The following FRMD3 variants were observed in gnomAD, a reference collection of about 807,000 sequenced individuals.
FRMD3 encodes FERM domain-containing protein 3.
Under a neutral mutation model 70.2 loss-of-function variants are expected in FRMD3, and 33 were observed. The observed-to-expected ratio is 0.47, with a 90% confidence interval of 0.36 to 0.63. The LOEUF is 0.63. FRMD3 is among the 20% of genes least tolerant of loss of function. The probability of loss-of-function intolerance (pLI) is 0.00; values close to 1 mark genes in which losing one functional copy is unlikely to be tolerated. For missense variants in FRMD3, 632 were observed against 711.4 expected, an observed-to-expected ratio of 0.89 and a Z score of 1.27; for synonymous variants, 279 against 255.9, an observed-to-expected ratio of 1.09 and a Z score of -0.86.
At chr9:83,506,899 A>G (rs1829194626) in intron 1 of FRMD3, among the ~76,000 whole-genome samples, 1 of 152,136 alleles carries the variant, frequency 6.6e-6, no homozygotes, top group Non-Finnish European at 1.5e-5. Flanking sequence ...GTATTTTTAA[A>G]CTTTTTTTCT....
In FRMD3 at chr9:83,523,322, AATAG is replaced by A. The variant is rs541002877; in HGVS notation, c.147+14759_147+14762del. Among the ~76,000 whole-genome samples, 867 of 152,192 alleles carry A rather than the reference AATAG, an allele frequency of 5.7e-3. 1 individual carries two copies. The highest frequency in any genetic ancestry group is 7.5e-3 in the Non-Finnish European group (510 of 67,990). On this transcript the variant is annotated intron_variant, in intron 1 of 13. Coordinates refer to ENST00000304195, the MANE Select transcript of FRMD3 (RefSeq NM_174938.6). ...GAATTAATGGATAGTTAGATGGATG[AATAG>A]ATAGATAGATAGATGGATGAAAATA...
At chr9:83,284,966 A>T (rs979748283) in intron 13 of FRMD3, among the ~76,000 whole-genome samples, 14 of 152,090 alleles carry the variant, frequency 9.2e-5, no homozygotes, top group Non-Finnish European at 1.8e-4. Context: ...ACAATGCAGC[A>T]GCCCCACCAG....
intron 1 of FRMD3, among the ~76,000 whole-genome samples, chr9:83,446,571 G>C (rs545801968): frequency 4.3e-4 from 65 of 150,722 alleles, no homozygotes; most frequent in East Asian, 7.9e-4. Flanking sequence ...GGCGTGAAAC[G>C]GGGAGGCAGA....
chr9:83,384,960 G>A lies in FRMD3; in HGVS notation c.252+4644C>T, dbSNP rs576450465. On this transcript the variant is annotated intron_variant, in intron 2 of 13. Coordinates refer to ENST00000304195, the MANE Select transcript of FRMD3 (RefSeq NM_174938.6). ...TTCCTCTGGCTGAGCTGGGAGCTGG[G>A]GCACTCAGCTCTAAGGCATGGGGTG... Among the ~76,000 whole-genome samples, 4 of 152,204 alleles carry A rather than the reference G, an allele frequency of 2.6e-5. No homozygotes were observed. The South Asian group carries it at 8.3e-4, about 32-fold the overall frequency.
chr9:83,278,194 A>G lies in FRMD3; in HGVS notation c.1195+12409T>C, dbSNP rs73479775. Among the ~76,000 whole-genome samples, 1,252 of 152,320 alleles carry G rather than the reference A, an allele frequency of 8.2e-3. 20 individuals carry two copies. Among genetic ancestry groups the G allele is most frequent in the African/African-American group, 0.029 (1,200 of 41,574 alleles). ...CTGGGTGGGGGAAACAGCTCTTGCAAAGGTCCTTGAGATTGCCATGAGCTC... is the reference window on the plus strand; with the variant it reads ...CTGGGTGGGGGAAACAGCTCTTGCAGAGGTCCTTGAGATTGCCATGAGCTC... On this transcript the variant is annotated intron_variant, in intron 13 of 13. Coordinates refer to ENST00000304195, the MANE Select transcript of FRMD3 (RefSeq NM_174938.6).
chr9:83,547,213 A>T, the FRMD3 span, among the ~76,000 whole-genome samples: 1 of 149,278 alleles, frequency 6.7e-6, no homozygotes, highest in African/African-American at 2.4e-5. Flanking sequence ...CATTATTATT[A>T]TGTAATCATT....
At chr9:83,480,758 G>A (rs973696773) in intron 1 of FRMD3, among the ~76,000 whole-genome samples, 1 of 152,084 alleles carries the variant, frequency 6.6e-6, no homozygotes, top group Admixed American at 6.5e-5. Context: ...GCCTCACAAA[G>A]TGCTGGGATT....
At chr9:83,381,851 C>T (rs905580938) in intron 2 of FRMD3, among the ~76,000 whole-genome samples, 1 of 152,176 alleles carries the variant, frequency 6.6e-6, no homozygotes, top group African/African-American at 2.4e-5. Flanking sequence ...GGATCTCTTT[C>T]ACAACTACTC....
intron 1 of FRMD3, among the ~76,000 whole-genome samples, chr9:83,446,574 G>A (rs976226135): frequency 1.3e-5 from 2 of 150,302 alleles, no homozygotes; most frequent in Non-Finnish European, 2.9e-5. Flanking sequence ...GTGAAACGGG[G>A]AGGCAGAGCT....
chr9:83,431,171 C>T (rs1261694250), intron 1 of FRMD3, among the ~76,000 whole-genome samples: 1 of 152,160 alleles, frequency 6.6e-6, no homozygotes, highest in Non-Finnish European at 1.5e-5. Context: ...TGTCCAATAG[C>T]GTGGATGTTT....
intron 1 of FRMD3, among the ~76,000 whole-genome samples, chr9:83,536,953 A>AAG (rs1564121093): frequency 6.8e-6 from 1 of 146,970 alleles, no homozygotes; most frequent in African/African-American, 2.5e-5. Flanking sequence ...AAAAAAAAAA[A>AAG]GCTCAGTCCC....
intron 13 of FRMD3, among the ~76,000 whole-genome samples, chr9:83,266,198 A>T (rs939625213): frequency 2.0e-5 from 3 of 152,198 alleles, no homozygotes; most frequent in Non-Finnish European, 4.4e-5. Flanking sequence ...GGGAGTATTA[A>T]CGGAAAGCAT....
chr9:83,512,604 C>A (rs185247453), intron 1 of FRMD3, among the ~76,000 whole-genome samples: 16 of 152,276 alleles, frequency 1.1e-4, no homozygotes, highest in African/African-American at 3.4e-4. Flanking sequence ...ATACCCCTAG[C>A]CCACTTGGCT....
chr9:83,510,435 A>G lies in FRMD3; in HGVS notation c.147+27650T>C, dbSNP rs569053716. On this transcript the variant is annotated intron_variant, in intron 1 of 13. Coordinates refer to ENST00000304195, the MANE Select transcript of FRMD3 (RefSeq NM_174938.6). Reference sequence around the variant, plus strand: ...CCTATGCATGGCTGGCGGGTAAGGTAACATGGTGCAGCTGCTCTAGAAAGC... The same window carrying G: ...CCTATGCATGGCTGGCGGGTAAGGTGACATGGTGCAGCTGCTCTAGAAAGC... Among the ~76,000 whole-genome samples the G allele has an allele frequency of 1.2e-4, 18 of 152,312 alleles. No individual in the cohort carries two copies. In the South Asian group the frequency reaches 3.7e-3, roughly 32 times the overall value.
intron 13 of FRMD3, among the ~76,000 whole-genome samples, chr9:83,260,516 G>C (rs975641866): frequency 6.6e-6 from 1 of 152,052 alleles, no homozygotes; most frequent in Non-Finnish European, 1.5e-5. Flanking sequence ...CATTTGCCTG[G>C]AACAGTCCCA....
At chr9:83,427,980 A>G (rs896397882) in intron 1 of FRMD3, among the ~76,000 whole-genome samples, 5 of 152,228 alleles carry the variant, frequency 3.3e-5, no homozygotes, top group Non-Finnish European at 7.3e-5. Context: ...TTTAGAAAAC[A>G]ACTTGTCATT....
chr9:83,266,590 C>T (rs10867968), intron 13 of FRMD3, among the ~76,000 whole-genome samples: 136,120 of 152,134 alleles, frequency 0.89, 61,427 homozygotes, highest in East Asian at 1. Context: ...AGTGGTGCTC[C>T]GCCTCACCCC....
chr9:83,425,746 A>T (rs1373082607), intron 1 of FRMD3, among the ~76,000 whole-genome samples: 2 of 151,918 alleles, frequency 1.3e-5, no homozygotes, highest in African/African-American at 4.8e-5. Context: ...ATCTCTACTA[A>T]AAATACAAAA....
At chr9:83,302,254 T>C (rs528449228) in intron 10 of FRMD3, among the ~76,000 whole-genome samples, 1 of 152,310 alleles carries the variant, frequency 6.6e-6, no homozygotes, top group African/African-American at 2.4e-5. Flanking sequence ...TGAGAGATTC[T>C]GATTCAGTGG....
Sources: allele counts gnomAD v4.1 joint callset (sites outside exome capture counted in the v4.1 genomes callset), GRCh38; gene constraint gnomAD v4.1.1; transcripts MANE v1.5; gene names NCBI Gene and HGNC (gene_info 2026-07-23, HGNC 2026-07-21).